The following PDE8A variants were observed in gnomAD, a reference collection of about 807,000 sequenced individuals.
PDE8A encodes the protein phosphodiesterase 8A.
In PDE8A, 59 loss-of-function variants were observed where a neutral mutation model predicts 105.0. The ratio of observed to expected loss-of-function variants is 0.56; its 90% CI spans 0.46 to 0.70. The LOEUF is 0.70. Among genes scored for constraint, PDE8A ranks in the 30% least tolerant of loss-of-function variants. PDE8A has a pLI of 0.00. For synonymous variants in PDE8A, 355 were observed against 371.9 expected, an observed-to-expected ratio of 0.95 and a Z score of 0.52; for missense variants, 1,014 against 1,045.9, an observed-to-expected ratio of 0.97 and a Z score of 0.42.
chr15:85,126,523 A>AT (rs917397817), intron 20 of PDE8A, 149 bp downstream of exon 20: 2,133 of 447,606 alleles, frequency 4.8e-3, no homozygotes, highest in Non-Finnish European at 5.4e-3. Flanking sequence ...CTGGTAACAA[A>AT]TTTTTTTTTT....
At chr15:85,090,276 A>G (rs992214373) in intron 7 of PDE8A, among the ~76,000 whole-genome samples, 1 of 152,200 alleles carries the variant, frequency 6.6e-6, no homozygotes, top group Non-Finnish European at 1.5e-5. Context: ...TAATATTAGT[A>G]AGAACAACAG....
intron 1 of PDE8A, among the ~76,000 whole-genome samples, chr15:85,005,229 C>G (rs1050708414): frequency 6.6e-5 from 10 of 152,138 alleles, no homozygotes; most frequent in African/African-American, 2.4e-4. Flanking sequence ...ATCCTCTCAC[C>G]TCAGCCCCCT....
intron 18 of PDE8A, among the ~76,000 whole-genome samples, chr15:85,121,303 G>A (rs1653815870): frequency 6.6e-6 from 1 of 151,506 alleles, no homozygotes; most frequent in African/African-American, 2.4e-5. Flanking sequence ...TGTAGTCCCA[G>A]CTACTCGGGA....
chr15:85,089,310 T>A, intron 6 of PDE8A, 28 bp from the exon 7 acceptor site: 1 of 1,153,294 alleles, frequency 8.7e-7, no homozygotes, highest in Non-Finnish European at 1.3e-6. Context: ...TTTACATTAA[T>A]CATTCCTTTT....
chr15:85,048,476 G>T (rs1379225067), intron 1 of PDE8A, among the ~76,000 whole-genome samples: 2 of 152,158 alleles, frequency 1.3e-5, no homozygotes, highest in Non-Finnish European at 2.9e-5. Context: ...TGTGGCAGTA[G>T]CAGCATCCCT....
At chr15:85,082,044 C>T (rs2081475546) in intron 5 of PDE8A, among the ~76,000 whole-genome samples, 1 of 152,126 alleles carries the variant, frequency 6.6e-6, no homozygotes, top group South Asian at 2.1e-4. Context: ...TTCCATGTCT[C>T]CTGGAGTGGC....
intron 1 of PDE8A, among the ~76,000 whole-genome samples, chr15:85,015,732 A>G (rs982791879): frequency 2.6e-5 from 4 of 152,096 alleles, no homozygotes; most frequent in South Asian, 2.1e-4. Flanking sequence ...CTATCTGTCC[A>G]TATCACTCTA....
intron 1 of PDE8A, among the ~76,000 whole-genome samples, chr15:84,993,061 G>A (rs551528968): frequency 2.0e-5 from 3 of 152,236 alleles, no homozygotes; most frequent in South Asian, 4.1e-4. Context: ...CTTGTCTTTT[G>A]GTTCTGAGTT....
At chr15:85,133,727 G>T (rs918316689) in intron 20 of PDE8A, among the ~76,000 whole-genome samples, 1 of 152,144 alleles carries the variant, frequency 6.6e-6, no homozygotes, top group African/African-American at 2.4e-5. Flanking sequence ...AAGACATTAA[G>T]ATACAGTTGC....
At chr15:85,076,595 C>T (rs1364913878) in intron 4 of PDE8A, 138 bp from the exon 5 acceptor site, 18 of 615,208 alleles carry the variant, frequency 2.9e-5, no homozygotes, top group Non-Finnish European at 4.4e-5. Flanking sequence ...CAACTTTATC[C>T]TTTAAATTTG....
At chr15:85,015,703 GCA>G (rs2080313674) in intron 1 of PDE8A, among the ~76,000 whole-genome samples, 1 of 152,126 alleles carries the variant, frequency 6.6e-6, no homozygotes, top group African/African-American at 2.4e-5. Context: ...TTTAAACTCT[GCA>G]TTCCTTTTTT....
At chr15:84,981,330 G>A (rs978468692), upstream of PDE8A, among the ~76,000 whole-genome samples, 1 of 152,210 alleles carries the variant, frequency 6.6e-6, no homozygotes, top group African/African-American at 2.4e-5. Context: ...CCCGCTGGAG[G>A]TCACCGCTGG....
intron 1 of PDE8A, among the ~76,000 whole-genome samples, chr15:85,041,910 T>C (rs1349563540): frequency 2.0e-5 from 3 of 152,202 alleles, no homozygotes; most frequent in African/African-American, 7.2e-5. Flanking sequence ...GTTCCTTTAC[T>C]ATATACTTAC....
intron 1 of PDE8A, among the ~76,000 whole-genome samples, chr15:85,049,469 T>G (rs1031304625): frequency 2.0e-5 from 3 of 152,258 alleles, no homozygotes; most frequent in Non-Finnish European, 4.4e-5. Flanking sequence ...GACTGGCTTA[T>G]TTCACTTAGC....
At chr15:85,001,154 G>A (rs1467659767) in intron 1 of PDE8A, among the ~76,000 whole-genome samples, 1 of 152,092 alleles carries the variant, frequency 6.6e-6, no homozygotes, top group African/African-American at 2.4e-5. Context: ...AATGCCTCGA[G>A]TACTCACATT....
At chr15:85,101,905 G>A (rs141869259) in intron 11 of PDE8A, among the ~76,000 whole-genome samples, 112 of 152,332 alleles carry the variant, frequency 7.4e-4, no homozygotes, top group Non-Finnish European at 1.2e-3. Flanking sequence ...CTGGTGGGCA[G>A]TCAGGTGGGT....
chr15:84,986,114 A>G (rs1187747108), intron 1 of PDE8A, among the ~76,000 whole-genome samples: 1 of 152,102 alleles, frequency 6.6e-6, no homozygotes, highest in Non-Finnish European at 1.5e-5. Context: ...TTAGTCCCAG[A>G]TACTTGGGAG....
At position 85,115,587 on chromosome 15, in the gene PDE8A, G is replaced by A. The variant is rs2082083192; in HGVS notation, c.1399+100G>A. The stretch of plus-strand genomic sequence containing the variant: ...TTTCACCTCATTAAGAAGTTTCTTG[G>A]TATGTCATAAAGCCTCAGAAACAAA... On this transcript the variant is annotated intron_variant, in intron 15 of 21. Transcript: ENST00000394553. The A allele has an allele frequency of 1.3e-5, 8 of 630,846 alleles. 1 individual carries two copies. In the South Asian group the frequency reaches 1.8e-4, roughly 14 times the overall value. The allele number at this position is 630,846 out of a possible 1,614,324, so 39.1% of individuals were successfully genotyped here.
At chr15:85,110,869 A>C (rs1334627289) in intron 12 of PDE8A, among the ~76,000 whole-genome samples, 1 of 152,218 alleles carries the variant, frequency 6.6e-6, no homozygotes, top group Non-Finnish European at 1.5e-5. Context: ...ATATGGCACC[A>C]TGTTACTCTC....
Sources: allele counts gnomAD v4.1 joint callset (sites outside exome capture counted in the v4.1 genomes callset), GRCh38; gene constraint gnomAD v4.1.1; transcripts MANE v1.5; gene names NCBI Gene and HGNC (gene_info 2026-07-23, HGNC 2026-07-21).